The following SNX29 variants were observed in gnomAD, a reference collection of about 807,000 sequenced individuals.
SNX29 encodes the protein sorting nexin 29.
A neutral mutation model predicts 102.1 loss-of-function variants in SNX29; 78 were observed. The ratio of observed to expected loss-of-function variants is 0.76; its 90% CI spans 0.64 to 0.92. SNX29 has a LOEUF of 0.92. SNX29 is among the 40% of genes least tolerant of loss of function. The pLI is 0.00. For missense variants in SNX29, 1,280 were observed against 1,061.7 expected (o/e 1.21, Z -2.86); for synonymous variants, 580 against 414.5 (o/e 1.40, Z -4.85).
At chr16:12,447,053 G>C (rs1019980041) in intron 18 of SNX29, among the ~76,000 whole-genome samples, 1 of 150,496 alleles carries the variant, frequency 6.6e-6, no homozygotes, top group South Asian at 2.1e-4. Flanking sequence ...TGTAGTCCCA[G>C]CTACTTGGGA....
At chr16:12,217,469 T>C (rs1345474286) in intron 14 of SNX29, among the ~76,000 whole-genome samples, 1 of 152,162 alleles carries the variant, frequency 6.6e-6, no homozygotes, top group Admixed American at 6.5e-5. Flanking sequence ...ACTCAATACT[T>C]TGAAACCTAC....
intron 19 of SNX29, among the ~76,000 whole-genome samples, chr16:12,509,940 T>A (rs2089538319): frequency 6.6e-6 from 1 of 152,276 alleles, no homozygotes; most frequent in Admixed American, 6.5e-5. Context: ...TCTGTAAATT[T>A]GTTTCCTTCC....
rs1212006489 is a variant in SNX29, at chr16:12,524,760, T to C, written c.2237T>C (p.Met746Thr). The C allele has an allele frequency of 3.7e-6, 6 of 1,613,704 alleles. No homozygotes were observed. Among genetic ancestry groups the C allele is most frequent in the Admixed American group, 1.7e-5 (1 of 59,956 alleles). The change falls in exon 20 of 21, where the codon ATG (methionine) becomes ACG (threonine). Residue 746 changes from methionine (M) to threonine (T), a missense_variant. Transcript: ENST00000566228. ...KQLQNYLRSV[M>T]NKVIQMVPEF... The stretch of plus-strand genomic sequence containing the variant: ...CTCCAGAATTACCTGCGCAGCGTCA[T>C]GAACAAAGTCATCCAGATGGTCCCC...
chr16:12,080,986 G>A (rs2051846194), intron 11 of SNX29, among the ~76,000 whole-genome samples: 1 of 152,142 alleles, frequency 6.6e-6, no homozygotes, highest in African/African-American at 2.4e-5. Context: ...CCAGACTGTA[G>A]TTTACTTTTA....
At chr16:12,530,841 C>G (rs930284286) in intron 20 of SNX29, among the ~76,000 whole-genome samples, 4 of 152,234 alleles carry the variant, frequency 2.6e-5, no homozygotes, top group African/African-American at 9.6e-5. Flanking sequence ...CAGGCGTGAG[C>G]CACCGTGCCT....
chr16:12,478,172 C>T (rs2087744291), intron 19 of SNX29, among the ~76,000 whole-genome samples: 1 of 152,220 alleles, frequency 6.6e-6, no homozygotes, highest in African/African-American at 2.4e-5. Flanking sequence ...ATACTCACCT[C>T]TGCTGGGGTC....
At chr16:12,296,564 C>T (rs926985389) in intron 15 of SNX29, among the ~76,000 whole-genome samples, 2 of 152,166 alleles carry the variant, frequency 1.3e-5, no homozygotes, top group Admixed American at 6.5e-5. Context: ...TGAAACAGCC[C>T]AAGACAATTT....
intron 18 of SNX29, among the ~76,000 whole-genome samples, chr16:12,447,140 C>T (rs1400060135): frequency 1.5e-5 from 2 of 132,722 alleles, no homozygotes; most frequent in Non-Finnish European, 3.1e-5. Context: ...GCACTCCAGC[C>T]TGGCGACAGA....
At chr16:12,543,774 A>C (rs565496460) in intron 20 of SNX29, among the ~76,000 whole-genome samples, 1 of 152,342 alleles carries the variant, frequency 6.6e-6, no homozygotes, top group East Asian at 1.9e-4. Flanking sequence ...TTTATTTTCC[A>C]AGATGTATCT....
chr16:12,572,927 T>C lies in SNX29; in HGVS notation c.*4298T>C. On this transcript the variant is annotated 3_prime_UTR_variant, in exon 21 of 21. Coordinates refer to ENST00000566228, the MANE Select transcript of SNX29 (RefSeq NM_032167.5). ...AATCACGGCAGACTTGGAGTGTTTCTTCAAGGCAGGCATCTGCTTATGAGC... is the reference window on the plus strand; with the variant it reads ...AATCACGGCAGACTTGGAGTGTTTCCTCAAGGCAGGCATCTGCTTATGAGC... 3.2e-6 allele frequency: 3 copies of C among 926,328 alleles called. No homozygotes were observed. The highest frequency in any genetic ancestry group is 4.0e-6 in the Non-Finnish European group (3 of 753,166). The allele number at this position is 926,328 out of a possible 1,614,324, so 57.4% of individuals were successfully genotyped here.
chr16:12,039,179 G>T (rs904288337), intron 4 of SNX29, among the ~76,000 whole-genome samples: 5 of 152,262 alleles, frequency 3.3e-5, no homozygotes, highest in Non-Finnish European at 4.4e-5. Context: ...CCACGCGAAT[G>T]CCCTCTGCTA....
At chr16:12,547,066 T>G (rs1343523214) in intron 20 of SNX29, among the ~76,000 whole-genome samples, 1 of 152,164 alleles carries the variant, frequency 6.6e-6, no homozygotes, top group Non-Finnish European at 1.5e-5. Context: ...CATTGAATAG[T>G]GAGGCAGACA....
At chr16:12,527,354 T>A in intron 20 of SNX29, 1 of 491,698 alleles carries the variant, frequency 2.0e-6, no homozygotes, top group Non-Finnish European at 3.9e-6. Context: ...GATTTCTGGT[T>A]AAAAAAAAAT....
At chr16:12,027,112 A>G (rs1243026682) in intron 3 of SNX29, among the ~76,000 whole-genome samples, 2 of 152,172 alleles carry the variant, frequency 1.3e-5, no homozygotes, top group African/African-American at 4.8e-5. Context: ...TGTGCTGGGC[A>G]TCCTGAGCTC....
intron 12 of SNX29, among the ~76,000 whole-genome samples, chr16:12,128,452 C>CTTTT (rs35504724): frequency 1.0e-4 from 13 of 128,268 alleles, no homozygotes; most frequent in Admixed American, 2.4e-4. Flanking sequence ...TGATTATATT[C>CTTTT]TTTTTTTTTT....
intron 18 of SNX29, among the ~76,000 whole-genome samples, chr16:12,426,737 C>T (rs2085095342): frequency 6.6e-6 from 1 of 152,222 alleles, no homozygotes; most frequent in Non-Finnish European, 1.5e-5. Flanking sequence ...GCGATCTCAG[C>T]TCACTGCAGC....
chr16:12,320,968 A>T (rs1383483492), intron 15 of SNX29, among the ~76,000 whole-genome samples: 1 of 152,210 alleles, frequency 6.6e-6, no homozygotes, highest in Non-Finnish European at 1.5e-5. Context: ...GTTTTTCGTT[A>T]TCTGTCCATA....
intron 19 of SNX29, among the ~76,000 whole-genome samples, chr16:12,521,689 T>G (rs1364897311): frequency 2.0e-5 from 3 of 152,180 alleles, no homozygotes; most frequent in Non-Finnish European, 4.4e-5. Flanking sequence ...CTAGGCTTCA[T>G]GAGCTCCGTT....
At chr16:12,337,973 C>T (rs953421983) in intron 15 of SNX29, among the ~76,000 whole-genome samples, 2 of 152,170 alleles carry the variant, frequency 1.3e-5, no homozygotes, top group Non-Finnish European at 2.9e-5. Context: ...GAAAGTGCTG[C>T]GGTCTTTGGG....
Sources: gnomAD v4.1 joint callset for allele counts (sites outside exome capture counted in the v4.1 genomes callset) on GRCh38, gnomAD v4.1.1 for gene constraint, MANE v1.5 for transcripts, NCBI Gene and HGNC (gene_info 2026-07-23, HGNC 2026-07-21) for gene names.